FAM135B: variants seen among roughly 807,000 people sequenced by gnomAD.
FAM135B encodes the protein protein FAM135B.
A neutral mutation model predicts 127.7 loss-of-function variants in FAM135B; 43 were observed. The observed-to-expected ratio is 0.34, with a 90% confidence interval of 0.26 to 0.43. FAM135B has a LOEUF of 0.43. FAM135B is among the 20% of genes least tolerant of loss of function. FAM135B has a pLI of 1.00. For synonymous variants in FAM135B, 670 were observed against 665.1 expected (o/e 1.01, Z -0.11); for missense variants, 1,558 against 1,725.6 (o/e 0.90, Z 1.72).
At chr8:138,459,999 T>A (rs1107015) in intron 1 of FAM135B, among the ~76,000 whole-genome samples, 70,017 of 151,970 alleles carry the variant, frequency 0.46, 17,736 homozygotes, top group East Asian at 0.84. Flanking sequence ...ATAAGGATGA[T>A]CTGATTTAAT....
chr8:138,353,646 A>C (rs1284084397), intron 2 of FAM135B, among the ~76,000 whole-genome samples: 1 of 152,146 alleles, frequency 6.6e-6, no homozygotes, highest in Non-Finnish European at 1.5e-5. Context: ...ATGAATCCAA[A>C]CCCTGTCATA....
Position 138,151,180 on chromosome 8 carries a change from G to A in FAM135B, c.3281+14C>T, listed in dbSNP as rs762801029. The A allele has an allele frequency of 3.3e-5, 49 of 1,502,758 alleles. No individual in the cohort carries two copies. The highest frequency in any genetic ancestry group is 1.4e-4 in the Admixed American group (6 of 41,650). 93.1% of individuals were successfully genotyped at this position (1,502,758 alleles called of 1,614,324 possible). A position where few individuals can be genotyped will look rare whatever the true frequency, so the allele number is the denominator to read the frequency against. ...AGACTGTTGTGGGAAAGGTAAGCCCGTCAGCCAGCTTACCTAAACATCCTC... is the reference window on the plus strand; with the variant it reads ...AGACTGTTGTGGGAAAGGTAAGCCCATCAGCCAGCTTACCTAAACATCCTC... On this transcript the variant is annotated intron_variant, in intron 13 of 19. Transcript: ENST00000395297.
chr8:138,337,891 G>T (rs1237126839), intron 2 of FAM135B, among the ~76,000 whole-genome samples: 1 of 152,150 alleles, frequency 6.6e-6, no homozygotes, highest in Non-Finnish European at 1.5e-5. Context: ...AAACAGCATG[G>T]TACTGGTACC....
chr8:138,245,752 G>A (rs563029327), intron 6 of FAM135B, among the ~76,000 whole-genome samples: 5 of 152,318 alleles, frequency 3.3e-5, no homozygotes, highest in African/African-American at 1.2e-4. Context: ...TTAGAACTGA[G>A]TAACAGGCAG....
chr8:138,186,944 G>A (rs991044755), intron 9 of FAM135B, among the ~76,000 whole-genome samples: 1 of 152,198 alleles, frequency 6.6e-6, no homozygotes, highest in African/African-American at 2.4e-5. Flanking sequence ...CTTTAAGGAA[G>A]CCACATTTCT....
In FAM135B at chr8:138,265,713, C is replaced by T. The variant is rs781120349; in HGVS notation, c.287G>A (p.Gly96Asp). Residue 96 changes from glycine (G) to aspartate (D), a missense_variant, in exon 4 of 20, where the codon GGT (glycine) becomes GAT (aspartate). Physicochemically the swap from Gly to Asp is moderately conservative, Grantham distance 94. Transcript: ENST00000395297. ...AGATTCATGACTTACCCTTTCACCA[C>T]CCAAGAGTAAATGAACTCGGAAGAC... is the stretch of plus-strand genomic sequence containing the variant. ...AVVFRVHLLL[G>D]GERMEDALSE... 1.2e-6 allele frequency: 2 copies of T among 1,614,044 alleles called. No individual in the cohort carries two copies. The highest frequency in any genetic ancestry group is 2.2e-5 in the South Asian group (2 of 91,066).
At chr8:138,238,528 G>A (rs1484260055) in intron 7 of FAM135B, among the ~76,000 whole-genome samples, 1 of 152,132 alleles carries the variant, frequency 6.6e-6, no homozygotes, top group African/African-American at 2.4e-5. Flanking sequence ...GGGCTAATGA[G>A]AAAAAGACAT....
chr8:138,361,783 C>T (rs17722820), intron 2 of FAM135B, among the ~76,000 whole-genome samples: 5,104 of 152,236 alleles, frequency 0.034, 119 homozygotes, highest in Middle Eastern at 0.058. Flanking sequence ...ATATCCAGGT[C>T]CCTTGTCGGG....
At chr8:138,146,601 A>C (rs1817677193) in intron 14 of FAM135B, among the ~76,000 whole-genome samples, 1 of 152,200 alleles carries the variant, frequency 6.6e-6, no homozygotes, top group Admixed American at 6.5e-5. Flanking sequence ...ACGGAGGCAC[A>C]GCAGTGGCCA....
chr8:138,286,561 A>G (rs528826026), intron 3 of FAM135B, among the ~76,000 whole-genome samples: 62 of 152,308 alleles, frequency 4.1e-4, no homozygotes, highest in African/African-American at 1.5e-3. Flanking sequence ...TCAGAAAGCT[A>G]AGGCAATCCC....
intron 4 of FAM135B, among the ~76,000 whole-genome samples, chr8:138,260,430 G>A (rs551256167): frequency 1.3e-5 from 2 of 152,160 alleles, no homozygotes; most frequent in African/African-American, 4.8e-5. Context: ...TAGTGCCCCC[G>A]CGAAAGGGGC....
chr8:138,222,320 T>C (rs1819087120), intron 7 of FAM135B, among the ~76,000 whole-genome samples: 1 of 152,288 alleles, frequency 6.6e-6, no homozygotes, highest in South Asian at 2.1e-4. Flanking sequence ...CACTGCTTCT[T>C]AACTCTTATC....
intron 3 of FAM135B, among the ~76,000 whole-genome samples, chr8:138,286,630 G>A (rs553538531): frequency 6.6e-6 from 1 of 152,318 alleles, no homozygotes; most frequent in Non-Finnish European, 1.5e-5. Context: ...AATTTGTTGA[G>A]GCAAAGGAAG....
intron 11 of FAM135B, among the ~76,000 whole-genome samples, chr8:138,176,060 A>G (rs1013847151): frequency 1.3e-5 from 2 of 152,200 alleles, no homozygotes; most frequent in East Asian, 3.9e-4. Context: ...AAAAAACAAG[A>G]AGGACAGAAA....
chr8:138,365,953 C>T (rs1210661699), intron 2 of FAM135B, among the ~76,000 whole-genome samples: 1 of 152,058 alleles, frequency 6.6e-6, no homozygotes, highest in African/African-American at 2.4e-5. Context: ...GCTTGATTTC[C>T]ATTTTTTTTT....
intron 1 of FAM135B, among the ~76,000 whole-genome samples, chr8:138,380,768 A>T (rs76316366): frequency 6.6e-6 from 1 of 152,164 alleles, no homozygotes; most frequent in African/African-American, 2.4e-5. Flanking sequence ...AGTAACAAAC[A>T]ACAAAATCTA....
At chr8:138,353,873 C>T (rs1357286627) in intron 2 of FAM135B, among the ~76,000 whole-genome samples, 1 of 152,058 alleles carries the variant, frequency 6.6e-6, no homozygotes, top group Non-Finnish European at 1.5e-5. Flanking sequence ...TCTCACCTGG[C>T]CTCTGCACTC....
At chr8:138,169,641 T>G (rs1243899066) in intron 11 of FAM135B, among the ~76,000 whole-genome samples, 1 of 152,216 alleles carries the variant, frequency 6.6e-6, no homozygotes, top group Non-Finnish European at 1.5e-5. Context: ...CTGTACCTTT[T>G]GCCACCTTCT....
intron 1 of FAM135B, among the ~76,000 whole-genome samples, chr8:138,424,202 T>C (rs1379386231): frequency 6.6e-6 from 1 of 152,174 alleles, no homozygotes; most frequent in Non-Finnish European, 1.5e-5. Context: ...AAGACAGGCA[T>C]AGGAAATCAC....
Sources: gnomAD v4.1 joint callset for allele counts (sites outside exome capture counted in the v4.1 genomes callset) on GRCh38, gnomAD v4.1.1 for gene constraint, MANE v1.5 for transcripts, NCBI Gene and HGNC (gene_info 2026-07-23, HGNC 2026-07-21) for gene names.